WDPCP: variants seen among roughly 807,000 people sequenced by gnomAD.
WDPCP encodes the protein WD repeat-containing and planar cell polarity effector protein fritz homolog.
In WDPCP, 71 loss-of-function variants were observed where a neutral mutation model predicts 93.1. The ratio of observed to expected loss-of-function variants is 0.76; its 90% CI spans 0.63 to 0.93. The LOEUF (loss-of-function observed/expected upper bound fraction) is 0.93, where lower values mean the gene tolerates loss of function less well. Ranked by LOEUF, WDPCP falls within the 40% of genes least tolerant of loss-of-function variation. The probability of loss-of-function intolerance (pLI) is 0.00; values close to 1 mark genes in which losing one functional copy is unlikely to be tolerated. For missense variants in WDPCP, 844 were observed against 887.4 expected (o/e 0.95, Z 0.62); for synonymous variants, 315 against 315.0 (o/e 1.00, Z 0.00).
rs898975141 is a variant in WDPCP at position 63,561,977 on chromosome 2, C to G, written c.75+26220G>C. Among the ~76,000 whole-genome samples the G allele has an allele frequency of 1.2e-4, 18 of 152,282 alleles. 1 individual carries two copies. Among genetic ancestry groups the G allele is most frequent in the African/African-American group, 3.8e-4 (16 of 41,562 alleles). On this transcript the variant is annotated intron_variant, in intron 1 of 17. Coordinates refer to ENST00000272321, the MANE Select transcript of WDPCP (RefSeq NM_015910.7). ...AACAGTGTGATGATTCCTCAAAGAT[C>G]TAGAACCAGAAATACCATTTGACCT... is the stretch of plus-strand genomic sequence containing the variant.
At chr2:63,221,011 C>G (rs1372933788) in intron 14 of WDPCP, among the ~76,000 whole-genome samples, 1 of 152,188 alleles carries the variant, frequency 6.6e-6, no homozygotes. Context: ...AGCTCCATCC[C>G]TGTCCCTCAA....
At chr2:63,619,847 G>A (rs1709713075) in intron 3 of WDPCP, among the ~76,000 whole-genome samples, 1 of 152,186 alleles carries the variant, frequency 6.6e-6, no homozygotes, top group Non-Finnish European at 1.5e-5. Flanking sequence ...GGACTGGTTA[G>A]ACAGTGGGTG....
intron 1 of WDPCP, among the ~76,000 whole-genome samples, chr2:63,587,880 G>A (rs1420951025): frequency 1.3e-5 from 2 of 152,250 alleles, no homozygotes; most frequent in African/African-American, 4.8e-5. Context: ...CATTCACGGA[G>A]GGCTTAGAGC....
At chr2:63,183,687 T>C (rs1054850647) in intron 14 of WDPCP, among the ~76,000 whole-genome samples, 1 of 152,108 alleles carries the variant, frequency 6.6e-6, no homozygotes, top group Non-Finnish European at 1.5e-5. Context: ...TCCTTGTTTT[T>C]CTGTCTCAAT....
chr2:63,574,918 A>G (rs139459368), intron 1 of WDPCP, among the ~76,000 whole-genome samples: 10 of 152,334 alleles, frequency 6.6e-5, no homozygotes, highest in Non-Finnish European at 8.8e-5. Context: ...TTTGCATTCA[A>G]TACGTGGTAC....
chr2:63,179,382 G>A (rs1042024869), intron 14 of WDPCP, among the ~76,000 whole-genome samples: 1 of 151,814 alleles, frequency 6.6e-6, no homozygotes, highest in Non-Finnish European at 1.5e-5. Context: ...GATTATGGGG[G>A]CAGATTTCTC....
rs548787463 is a variant in WDPCP, at chr2:63,445,505, A to C, written c.385-5634T>G. 1.6e-3 allele frequency among the ~76,000 whole-genome samples: 240 copies of C among 152,334 alleles called. 1 individual carries two copies. Among genetic ancestry groups the C allele is most frequent in the African/African-American group, 5.1e-3 (212 of 41,574 alleles). On this transcript the variant is annotated intron_variant, in intron 6 of 17. Coordinates refer to ENST00000272321, the MANE Select transcript of WDPCP (RefSeq NM_015910.7). ...CTAATGTAACTTTAAAATCCTGCTA[A>C]CTATATTTCCATAAAAGAAAAGTGA...
chr2:63,306,501 C>T (rs1170693493), intron 13 of WDPCP, among the ~76,000 whole-genome samples: 1 of 152,122 alleles, frequency 6.6e-6, no homozygotes, highest in African/African-American at 2.4e-5. Context: ...ATAAAATACT[C>T]GCAAACTGAC....
At chr2:63,443,892 G>A (rs1024054778) in intron 6 of WDPCP, among the ~76,000 whole-genome samples, 1 of 152,160 alleles carries the variant, frequency 6.6e-6, no homozygotes, top group African/African-American at 2.4e-5. Context: ...CTGTGATTGG[G>A]AATGCTAGAA....
Position 63,560,470 on chromosome 2 carries a change from C to T in WDPCP, c.75+27727G>A, listed in dbSNP as rs369006128. Reference sequence around the variant, plus strand: ...CTACAACCATCTGATCTTCAACAAACCTGACAAAAATAAGCAATGGGAAAA... The same window carrying T: ...CTACAACCATCTGATCTTCAACAAATCTGACAAAAATAAGCAATGGGAAAA... On this transcript the variant is annotated intron_variant, in intron 1 of 17. Coordinates refer to ENST00000272321, the MANE Select transcript of WDPCP (RefSeq NM_015910.7). Among the ~76,000 whole-genome samples, 9 of 152,242 alleles carry T rather than the reference C, an allele frequency of 5.9e-5. No individual in the cohort carries two copies. In the South Asian group the frequency reaches 1.5e-3, roughly 25 times the overall value.
At chr2:63,361,400 CAGCCTCAAT>C (rs1366992426) in intron 12 of WDPCP, among the ~76,000 whole-genome samples, 1 of 152,212 alleles carries the variant, frequency 6.6e-6, no homozygotes, top group Non-Finnish European at 1.5e-5. Flanking sequence ...CATGGGGTTA[CAGCCTCAAT>C]AGCTACAAAA....
At chr2:63,691,571 G>A (rs1668888459) in intron 2 of WDPCP, among the ~76,000 whole-genome samples, 1 of 152,020 alleles carries the variant, frequency 6.6e-6, no homozygotes, top group Non-Finnish European at 1.5e-5. Flanking sequence ...GGGGGCGGAG[G>A]TTGCAGTGAG....
Position 63,404,218 on chromosome 2 carries a change from GGT to G in WDPCP, c.1263_1264del (p.Leu421PhefsTer9), listed in dbSNP as rs1349495107. 1 of 1,613,620 alleles carries G rather than the reference GGT, an allele frequency of 6.2e-7. No individual in the cohort carries two copies. The highest frequency in any genetic ancestry group is 1.7e-5 in the Admixed American group (1 of 59,956). Reference sequence around the variant, plus strand: ...TTTACTGAATTGCAGAGTCTCCCTGGGTAAGCGGTCTTCAGCCAACAGTTGGA... The same window carrying G: ...TTTACTGAATTGCAGAGTCTCCCTGGAAGCGGTCTTCAGCCAACAGTTGGA... On this transcript the variant is annotated frameshift_variant, in exon 10 of 18. Coordinates refer to ENST00000272321, the MANE Select transcript of WDPCP (RefSeq NM_015910.7). LOFTEE classifies it high-confidence loss of function.
chr2:63,383,484 G>A (rs935291773), intron 10 of WDPCP, among the ~76,000 whole-genome samples: 2 of 152,172 alleles, frequency 1.3e-5, no homozygotes, highest in African/African-American at 4.8e-5. Context: ...GAAGGCCAAG[G>A]CAGGCAGATC....
intron 1 of WDPCP, among the ~76,000 whole-genome samples, chr2:63,522,436 C>A (rs1378903061): frequency 9.1e-6 from 1 of 109,564 alleles, no homozygotes; most frequent in Admixed American, 9.4e-5. Context: ...TAAAGGAAAT[C>A]AAGACAGACA....
At chr2:63,408,311 C>G (rs1044553797) in intron 9 of WDPCP, among the ~76,000 whole-genome samples, 1 of 152,076 alleles carries the variant, frequency 6.6e-6, no homozygotes, top group Non-Finnish European at 1.5e-5. Flanking sequence ...GAACACACCC[C>G]CAGAATGGAG....
At chr2:63,161,201 C>T (rs186719825) in intron 15 of WDPCP, among the ~76,000 whole-genome samples, 45 of 152,278 alleles carry the variant, frequency 3.0e-4, no homozygotes, top group Non-Finnish European at 5.3e-4. Flanking sequence ...CTGCAGAAGG[C>T]AGTTCAGTAC....
At chr2:63,349,512 T>G (rs1295867974) in intron 12 of WDPCP, among the ~76,000 whole-genome samples, 1 of 152,168 alleles carries the variant, frequency 6.6e-6, no homozygotes, top group Non-Finnish European at 1.5e-5. Flanking sequence ...CAAAGATAAA[T>G]TATTTCTGAT....
Position 63,765,181 on chromosome 2 carries a change from C to T in WDPCP, n.308+48441G>A, listed in dbSNP as rs184569414. On this transcript the variant is annotated intron_variant and non_coding_transcript_variant, in intron 2 of 4. Transcript: ENST00000467687. Reference sequence around the variant, plus strand: ...TACAGAGGAATAGTTCACTAGGCAACGGCAGTGTTTAATGGCAGAACTCTA... The same window carrying T: ...TACAGAGGAATAGTTCACTAGGCAATGGCAGTGTTTAATGGCAGAACTCTA... Among the ~76,000 whole-genome samples, 136 of 152,164 alleles carry T rather than the reference C, an allele frequency of 8.9e-4. 1 individual carries two copies. Among genetic ancestry groups the T allele is most frequent in the South Asian group, 8.3e-3 (40 of 4,824 alleles).
Sources: gnomAD v4.1 joint callset for allele counts (sites outside exome capture counted in the v4.1 genomes callset) on GRCh38, gnomAD v4.1.1 for gene constraint, MANE v1.5 for transcripts, NCBI Gene and HGNC (gene_info 2026-07-23, HGNC 2026-07-21) for gene names.